LAMA3: variants seen among roughly 807,000 people sequenced by gnomAD.
LAMA3 encodes laminin subunit alpha-3.
LAMA3 carries 281 observed loss-of-function variants against 402.0 expected under a neutral mutation model. That is an observed-to-expected ratio of 0.70 (90% CI 0.63 to 0.77). The LOEUF (loss-of-function observed/expected upper bound fraction) is 0.77, where lower values mean the gene tolerates loss of function less well. Among genes scored for constraint, LAMA3 ranks in the 30% least tolerant of loss-of-function variants. The pLI, the probability that LAMA3 is intolerant of heterozygous loss-of-function variation, is 0.00. For synonymous variants in LAMA3, 1,431 were observed against 1,558.4 expected (o/e 0.92, Z 1.93); for missense variants, 3,840 against 4,215.5 (o/e 0.91, Z 2.47).
Position 23,846,369 on chromosome 18 carries a change from G to C in LAMA3, c.3792G>C (p.Leu1264=). ...SLVAFYHKGA[L]PCECHPTGAT... ...TGGCCTTTTACCACAAGGGCGCCCT[G>C]CCTTGTGAGTGCCACCCCACTGGGG... is the stretch of plus-strand genomic sequence containing the variant. The change falls in exon 31 of 75, where the codon CTG becomes CTC. Residue 1264 remains leucine, a synonymous_variant. Transcript: ENST00000313654. 2 of 1,614,206 alleles carry C rather than the reference G, an allele frequency of 1.2e-6. No individual in the cohort carries two copies. Among genetic ancestry groups the C allele is most frequent in the South Asian group, 2.2e-5 (2 of 91,086 alleles).
Position 23,918,156 on chromosome 18 carries a change from C to T in LAMA3, c.7923+1461C>T, listed in dbSNP as rs1000707610. 4.6e-5 allele frequency among the ~76,000 whole-genome samples: 7 copies of T among 152,036 alleles called. No individual in the cohort carries two copies. The highest frequency in any genetic ancestry group is 2.9e-5 in the Non-Finnish European group (2 of 68,016). Reference sequence around the variant, plus strand: ...CACTTATTGAATAGGGAGTCCTTTCCCCATTGCTTGTTTTTGTTGACTTTG... The same window carrying T: ...CACTTATTGAATAGGGAGTCCTTTCTCCATTGCTTGTTTTTGTTGACTTTG... On this transcript the variant is annotated intron_variant, in intron 60 of 74. Coordinates refer to ENST00000313654, the MANE Select transcript of LAMA3 (RefSeq NM_198129.4). This position sits in a 1 kb window ranked among gnomAD's most constrained non-coding sequence, Gnocchi z 4.1.
intron 42 of LAMA3, among the ~76,000 whole-genome samples, chr18:23,892,182 C>A (rs1051361528): frequency 8.5e-5 from 13 of 152,194 alleles, no homozygotes; most frequent in African/African-American, 3.1e-4. Context: ...TTTCTCCTGT[C>A]ACTGGAGGTA....
In LAMA3 at chr18:23,815,662, A is replaced by T. The variant is rs529156391; in HGVS notation, c.2047+89A>T. Reference sequence around the variant, plus strand: ...CATTTCTTCTGAGTTTGTCATCTTCACGCAGACTTTCTGATGGAATGGCCC... The same window carrying T: ...CATTTCTTCTGAGTTTGTCATCTTCTCGCAGACTTTCTGATGGAATGGCCC... On this transcript the variant is annotated intron_variant, in intron 17 of 74. Transcript: ENST00000313654. 4.3e-6 allele frequency: 4 copies of T among 929,476 alleles called. No individual in the cohort carries two copies. The South Asian group carries it at 5.4e-5, about 13-fold the overall frequency. The allele number at this position is 929,476 out of a possible 1,614,324, so 57.6% of individuals were successfully genotyped here. A position where few individuals can be genotyped will look rare whatever the true frequency, so the allele number is the denominator to read the frequency against.
intron 12 of LAMA3, among the ~76,000 whole-genome samples, chr18:23,809,881 G>T (rs900754016): frequency 6.6e-6 from 1 of 152,100 alleles, no homozygotes; most frequent in South Asian, 2.1e-4. Context: ...GCTTGCACTT[G>T]ATATGGAATA....
chr18:23,884,980 T>G, intron 41 of LAMA3, 127 bp downstream of exon 41: 1 of 624,836 alleles, frequency 1.6e-6, no homozygotes, highest in Non-Finnish European at 2.8e-6. Context: ...GAAAAAGGTC[T>G]CTTGGGAAAA....
At chr18:23,707,246 T>C (rs1233636250) in intron 1 of LAMA3, among the ~76,000 whole-genome samples, 1 of 152,226 alleles carries the variant, frequency 6.6e-6, no homozygotes, top group African/African-American at 2.4e-5. Flanking sequence ...CTCGCTAACA[T>C]ACAAGGTAGC....
At chr18:23,705,817 C>G (rs569640320) in intron 1 of LAMA3, among the ~76,000 whole-genome samples, 2 of 152,272 alleles carry the variant, frequency 1.3e-5, no homozygotes, top group African/African-American at 4.8e-5. Flanking sequence ...TGTGCCTGGC[C>G]TATATATGTA....
At chr18:23,855,694 C>G (rs1041816905) in intron 32 of LAMA3, among the ~76,000 whole-genome samples, 2 of 152,094 alleles carry the variant, frequency 1.3e-5, no homozygotes, top group Non-Finnish European at 2.9e-5. Flanking sequence ...CCCAGCTTTC[C>G]AAAAGCGTCT....
At chr18:23,692,974 C>G (rs549309440) in intron 1 of LAMA3, among the ~76,000 whole-genome samples, 1 of 152,002 alleles carries the variant, frequency 6.6e-6, no homozygotes, top group Non-Finnish European at 1.5e-5. Flanking sequence ...CATGATTGTT[C>G]ATTATTATGA....
chr18:23,738,115 G>T (rs1318767739), intron 2 of LAMA3, among the ~76,000 whole-genome samples: 1 of 152,074 alleles, frequency 6.6e-6, no homozygotes, highest in Non-Finnish European at 1.5e-5. Flanking sequence ...CCTGGACTGG[G>T]ACCTGAACTC....
rs143334213 is a variant in LAMA3, at chr18:23,753,505, A to G, written c.856-216A>G. ...CAATTTCCCTTCATGAACTTCAAGCATTTGATTTTTTTAAATGCACAAATT... is the reference window on the plus strand; with the variant it reads ...CAATTTCCCTTCATGAACTTCAAGCGTTTGATTTTTTTAAATGCACAAATT... On this transcript the variant is annotated intron_variant, in intron 5 of 74. Coordinates refer to ENST00000313654, the MANE Select transcript of LAMA3 (RefSeq NM_198129.4). Among the ~76,000 whole-genome samples the G allele has an allele frequency of 8.4e-3, 1,286 of 152,294 alleles. 13 individuals are homozygous for G. The highest frequency in any genetic ancestry group is 0.065 in the South Asian group (315 of 4,830).
At chr18:23,919,280 G>A (rs2145292708) in intron 60 of LAMA3, among the ~76,000 whole-genome samples, 1 of 152,264 alleles carries the variant, frequency 6.6e-6, no homozygotes, top group Admixed American at 6.5e-5. Context: ...CTCAAAGAGA[G>A]GCATTCTTAT....
At chr18:23,904,896 T>G (rs2081193505) in intron 51 of LAMA3, among the ~76,000 whole-genome samples, 2 of 152,260 alleles carry the variant, frequency 1.3e-5, no homozygotes, top group Non-Finnish European at 2.9e-5. Context: ...AAACTATGTG[T>G]AAAACCAGAT....
rs373772529 is a variant in LAMA3 at position 23,953,011 on chromosome 18, T to C, written c.9758T>C (p.Leu3253Pro). 12 of 1,613,994 alleles carry C rather than the reference T, an allele frequency of 7.4e-6. No individual in the cohort carries two copies. The African/African-American group carries it at 1.2e-4, about 16-fold the overall frequency. Reference sequence around the variant, plus strand: ...CCAGTCACCATAAAACAACACATCCTGCACCTGGAACTGGACACAGACAGT... The same window carrying C: ...CCAGTCACCATAAAACAACACATCCCGCACCTGGAACTGGACACAGACAGT... Reference protein sequence around the residue: ...SVAVTIKQHILHLELDTDSSY... With the variant: ...SVAVTIKQHIPHLELDTDSSY... The change falls in exon 74 of 75, where the codon CTG becomes CCG. Residue 3253 changes from leucine (L) to proline (P), a missense_variant. Physicochemically the swap from Leu to Pro is moderately conservative, Grantham distance 98. Coordinates refer to ENST00000313654, the MANE Select transcript of LAMA3 (RefSeq NM_198129.4).
chr18:23,873,579 G>A (rs887313183), intron 38 of LAMA3, among the ~76,000 whole-genome samples: 2 of 152,066 alleles, frequency 1.3e-5, no homozygotes, highest in Non-Finnish European at 2.9e-5. Flanking sequence ...ATTTACCCAC[G>A]GGGGGGAGAA....
chr18:23,741,172 G>A (rs1305984841), intron 2 of LAMA3, among the ~76,000 whole-genome samples: 2 of 151,954 alleles, frequency 1.3e-5, no homozygotes, highest in Admixed American at 1.3e-4. Context: ...TGTTAGCCAG[G>A]AGAGTCTCGA....
intron 2 of LAMA3, among the ~76,000 whole-genome samples, chr18:23,732,596 A>G (rs2061411655): frequency 6.6e-6 from 1 of 152,142 alleles, no homozygotes; most frequent in Non-Finnish European, 1.5e-5. Context: ...CAGGGTGCGC[A>G]GGTTTTCAGC....
chr18:23,812,747 A>C (rs1323158306), intron 13 of LAMA3, among the ~76,000 whole-genome samples: 1 of 152,214 alleles, frequency 6.6e-6, no homozygotes, highest in Admixed American at 6.5e-5. Flanking sequence ...CTTCTGGACA[A>C]TACTAATGAT....
rs569419302 is a variant in LAMA3, at chr18:23,767,903, C to A, written c.1182+4380C>A. Reference sequence around the variant, plus strand: ...AGGTCTTTCTATTCAATAAATGGTGCTAAGATAGTTGTCTCTCCATGTGCA... The same window carrying A: ...AGGTCTTTCTATTCAATAAATGGTGATAAGATAGTTGTCTCTCCATGTGCA... On this transcript the variant is annotated intron_variant, in intron 8 of 74. Transcript: ENST00000313654. Among the ~76,000 whole-genome samples the A allele has an allele frequency of 3.9e-5, 6 of 152,178 alleles. No homozygotes were observed. The East Asian group carries it at 1.2e-3, about 29-fold the overall frequency.
Sources: allele counts gnomAD v4.1 joint callset (sites outside exome capture counted in the v4.1 genomes callset), GRCh38; gene constraint gnomAD v4.1.1; non-coding constraint Gnocchi (gnomAD v3.1); transcripts MANE v1.5; gene names NCBI Gene and HGNC (gene_info 2026-07-23, HGNC 2026-07-21).